CERS4: variants seen among roughly 807,000 people sequenced by gnomAD.
The protein encoded by CERS4 is ceramide synthase 4.
CERS4 carries 65 observed loss-of-function variants against 51.8 expected under a neutral mutation model. The ratio of observed to expected loss-of-function variants is 1.26; its 90% CI spans 1.03 to 1.54. The LOEUF is 1.54. CERS4 is among the 40% of genes most tolerant of loss of function. The probability of loss-of-function intolerance (pLI) is 0.00; values close to 1 mark genes in which losing one functional copy is unlikely to be tolerated. For missense variants in CERS4, 563 were observed against 500.4 expected (o/e 1.13, Z -1.19); for synonymous variants, 228 against 208.4 (o/e 1.09, Z -0.81).
chr19:8,239,078 G>C (rs2145237772), intron 2 of CERS4, among the ~76,000 whole-genome samples: 1 of 152,074 alleles, frequency 6.6e-6, no homozygotes, highest in Non-Finnish European at 1.5e-5. Context: ...TCCAGTCTGG[G>C]CAACAGAATG....
At chr19:8,246,592 C>T (rs1301258146) in intron 2 of CERS4, among the ~76,000 whole-genome samples, 3 of 151,950 alleles carry the variant, frequency 2.0e-5, no homozygotes, top group Non-Finnish European at 2.9e-5. Flanking sequence ...GTAAATTTTA[C>T]CTTGAAAGGA....
At position 8,256,621 on chromosome 19, in the gene CERS4, C is replaced by T. The variant is rs1233345286; in HGVS notation, c.523C>T (p.Leu175=). 1.2e-6 allele frequency: 2 copies of T among 1,611,834 alleles called. No homozygotes were observed. Among genetic ancestry groups the T allele is most frequent in the Non-Finnish European group, 1.7e-6 (2 of 1,179,108 alleles). The change falls in exon 8 of 12, where the codon CTG becomes TTG. Residue 175 remains leucine, a synonymous_variant. Transcript: ENST00000251363. ...ACCTTGTCCTGTCCTGCTGCAGACT[C>T]TGAAGCCATCCCTGTACTGGTGGTA... ...MCWDRYPNQT[L]KPSLYWWYLL... is the part of the protein sequence containing the mutation.
At chr19:8,240,046 GGTA>G (rs1049752698) in intron 2 of CERS4, among the ~76,000 whole-genome samples, 1 of 152,126 alleles carries the variant, frequency 6.6e-6, no homozygotes, top group Non-Finnish European at 1.5e-5. Context: ...CCTCTTTGGT[GGTA>G]GTCTGAGAAG....
intron 2 of CERS4, among the ~76,000 whole-genome samples, chr19:8,214,077 C>T (rs1171684029): frequency 6.6e-6 from 1 of 152,078 alleles, no homozygotes; most frequent in African/African-American, 2.4e-5. Context: ...CACACACACA[C>T]TGAACCGCCT....
At chr19:8,252,289 G>A (rs1348513935) in intron 3 of CERS4, among the ~76,000 whole-genome samples, 2 of 151,020 alleles carry the variant, frequency 1.3e-5, no homozygotes, top group African/African-American at 4.9e-5. Context: ...AGAATTGCTT[G>A]AACCCAGGAG....
chr19:8,238,509 G>A (rs1968373305), intron 2 of CERS4: 1 of 985,242 alleles, frequency 1.0e-6, no homozygotes, highest in Non-Finnish European at 1.2e-6. Flanking sequence ...TGGGGCTGAG[G>A]TAACCAGAGC....
chr19:8,220,688 C>T (rs551104657), intron 2 of CERS4, among the ~76,000 whole-genome samples: 1 of 152,318 alleles, frequency 6.6e-6, no homozygotes, highest in South Asian at 2.1e-4. Context: ...GAGTGACCTC[C>T]AGGGATGGGA....
At chr19:8,217,471 C>T (rs1294363917) in intron 2 of CERS4, among the ~76,000 whole-genome samples, 1 of 151,170 alleles carries the variant, frequency 6.6e-6, no homozygotes, top group Non-Finnish European at 1.5e-5. Context: ...CGAGTTCAAG[C>T]GATCCTCCTG....
At chr19:8,237,848 G>C (rs67436209) in intron 2 of CERS4, among the ~76,000 whole-genome samples, 44,102 of 152,032 alleles carry the variant, frequency 0.29, 7,198 homozygotes, top group East Asian at 0.44. Flanking sequence ...GAGACTCCGT[G>C]TCAAAACAAA....
At chr19:8,244,891 TC>T (rs1968689713) in intron 2 of CERS4, among the ~76,000 whole-genome samples, 1 of 150,048 alleles carries the variant, frequency 6.7e-6, no homozygotes, top group Non-Finnish European at 1.5e-5. Flanking sequence ...TCACCTGTAA[TC>T]CCAGCACTTT....
chr19:8,244,043 G>T (rs1968651696), intron 2 of CERS4, among the ~76,000 whole-genome samples: 1 of 152,250 alleles, frequency 6.6e-6, no homozygotes, highest in Non-Finnish European at 1.5e-5. Flanking sequence ...TGAACCCAGT[G>T]TCATCACAAG....
At chr19:8,259,509 T>A (rs1408660698) in intron 10 of CERS4, among the ~76,000 whole-genome samples, 6 of 152,092 alleles carry the variant, frequency 3.9e-5, no homozygotes, top group Non-Finnish European at 7.4e-5. Flanking sequence ...GGATTCAATC[T>A]GACCTAGGTG....
rs146034716 is a variant in CERS4, at chr19:8,235,962, G to T, written c.-1-15114G>T. On this transcript the variant is annotated intron_variant, in intron 2 of 11. Coordinates refer to ENST00000251363, the MANE Select transcript of CERS4 (RefSeq NM_024552.3). ...TGTAATCCCAGCACTTTGGGAAGCC[G>T]AGGCGGGCAGATCACGAGGTCAGGA... Among the ~76,000 whole-genome samples, 835 of 151,966 alleles carry T rather than the reference G, an allele frequency of 5.5e-3. 3 individuals are homozygous for T. Among genetic ancestry groups the T allele is most frequent in the Middle Eastern group, 0.021 (6 of 292 alleles).
chr19:8,219,922 G>A (rs1026670786), intron 2 of CERS4, among the ~76,000 whole-genome samples: 22 of 151,756 alleles, frequency 1.4e-4, no homozygotes, highest in Non-Finnish European at 8.8e-5. Context: ...GTTTGAGGCT[G>A]CAGTGAGCTA....
intron 2 of CERS4, among the ~76,000 whole-genome samples, chr19:8,228,175 G>C: frequency 6.6e-6 from 1 of 151,734 alleles, no homozygotes; most frequent in African/African-American, 2.4e-5. Flanking sequence ...CTCACGATCC[G>C]TCCGCCTCGG....
intron 3 of CERS4, among the ~76,000 whole-genome samples, chr19:8,253,041 T>C (rs1969168935): frequency 6.6e-6 from 1 of 152,234 alleles, no homozygotes; most frequent in African/African-American, 2.4e-5. Flanking sequence ...TAAGCGCTCA[T>C]TCTCTCCGCA....
chr19:8,211,193 T>C (rs1213219198), intron 2 of CERS4, among the ~76,000 whole-genome samples: 2 of 152,114 alleles, frequency 1.3e-5, no homozygotes, highest in African/African-American at 4.8e-5. Context: ...GTTGACCCAG[T>C]GCGTGGCACA....
intron 9 of CERS4, 87 bp downstream of exon 9, chr19:8,257,164 C>A (rs944611826): frequency 2.7e-5 from 37 of 1,379,904 alleles, no homozygotes; most frequent in African/African-American, 4.4e-5. Context: ...TCCTCCCAAC[C>A]TTCCTGGGAG....
chr19:8,254,468 G>A (rs888737120), intron 3 of CERS4, 31 bp from the exon 4 acceptor site: 3 of 1,606,190 alleles, frequency 1.9e-6, no homozygotes, highest in Admixed American at 1.7e-5. Context: ...TCTTCACCTG[G>A]GCTGATAGGC....
Sources: gnomAD v4.1 joint callset for allele counts (sites outside exome capture counted in the v4.1 genomes callset) on GRCh38, gnomAD v4.1.1 for gene constraint, MANE v1.5 for transcripts, NCBI Gene and HGNC (gene_info 2026-07-23, HGNC 2026-07-21) for gene names.